KLF1: variants seen among roughly 807,000 people sequenced by gnomAD.
The protein encoded by KLF1 is KLF transcription factor 1.
KLF1 carries 29 observed loss-of-function variants against 28.0 expected under a neutral mutation model. The ratio of observed to expected loss-of-function variants is 1.04; its 90% confidence interval spans 0.77 to 1.41. KLF1 has a LOEUF of 1.41. Ranked by LOEUF, KLF1 falls within the 40% of genes most tolerant of loss-of-function variation. The probability of loss-of-function intolerance (pLI) is 0.00; values close to 1 mark genes in which losing one functional copy is unlikely to be tolerated. For synonymous variants in KLF1, 262 were observed against 242.6 expected (o/e 1.08, Z -0.74); for missense variants, 508 against 515.1 (o/e 0.99, Z 0.13).
chr19:12,884,852 G>A lies in KLF1; in HGVS notation c.*33C>T. 6.2e-7 allele frequency: 1 copy of A among 1,610,840 alleles called. No homozygotes were observed. The highest frequency in any genetic ancestry group is 8.5e-7 in the Non-Finnish European group (1 of 1,178,508). On this transcript the variant is annotated 3_prime_UTR_variant, in exon 3 of 3. Coordinates refer to ENST00000264834, the MANE Select transcript of KLF1 (RefSeq NM_006563.5). ...AAACAGGCTTCTTGTCCCATCCCCA[G>A]TCACTAGGAGAGTCCAAGTGCCAGG...
rs762517439 is a variant in KLF1, at chr19:12,885,031, C to A, written c.943G>T (p.Gly315Cys). 6.2e-7 allele frequency: 1 copy of A among 1,608,324 alleles called. No individual in the cohort carries two copies. The highest frequency in any genetic ancestry group is 1.3e-5 in the African/African-American group (1 of 74,936). The change falls in exon 3 of 3, where the codon GGC (glycine) becomes TGC (cysteine). Residue 315 changes from glycine to cysteine, a missense_variant. Transcript: ENST00000264834. The surrounding 1 kb of genome is among the most constrained non-coding windows in gnomAD (Gnocchi z 5.6). ...GEKPYACTWE[G>C]CGWRFARSDE... ...GAGCGCGCGAATCTCCAGCCGCAGC[C>A]TTCCCACGTGCAGGCGTATGGCTTC... is the stretch of plus-strand genomic sequence containing the variant.
In KLF1 at chr19:12,885,113, G is replaced by C. The variant is rs1438054491; in HGVS notation, c.914-53C>G. 1 of 1,586,238 alleles carries C rather than the reference G, an allele frequency of 6.3e-7. No homozygotes were observed. Among genetic ancestry groups the C allele is most frequent in the African/African-American group, 1.3e-5 (1 of 74,684 alleles). Reference sequence around the variant, plus strand: ...ACTGTCTGCCCAGTCATGTCCCCGGGTCCCCTGCATCTGGCCACACCCCTT... The same window carrying C: ...ACTGTCTGCCCAGTCATGTCCCCGGCTCCCCTGCATCTGGCCACACCCCTT... On this transcript the variant is annotated intron_variant, in intron 2 of 2. Coordinates refer to ENST00000264834, the MANE Select transcript of KLF1 (RefSeq NM_006563.5). The surrounding 1 kb of genome is among the most constrained non-coding windows in gnomAD (Gnocchi z 5.6).
intron 1 of KLF1, 71 bp downstream of exon 1, chr19:12,886,982 TG>T: frequency 6.8e-7 from 1 of 1,464,080 alleles, no homozygotes; most frequent in Non-Finnish European, 9.6e-7. Flanking sequence ...GATGCAGGTC[TG>T]GACCCCAAGA....
At position 12,887,081 on chromosome 19, in the gene KLF1, G is replaced by A. The variant is rs779672835; in HGVS notation, c.60C>T (p.Phe20=). The change falls in exon 1 of 3, where the codon TTC becomes TTT. Residue 20 remains phenylalanine (F), a synonymous_variant. Coordinates refer to ENST00000264834, the MANE Select transcript of KLF1 (RefSeq NM_006563.5). The surrounding 1 kb of genome is among the most constrained non-coding windows in gnomAD (Gnocchi z 4.7). ...SISTLTALGP[F]PDTQDDFLKW... ...TGAGGAAGTCATCCTGTGTGTCCGG[G>A]AAGGGGCCCAGGGCGGTCAGTGTGC... is the stretch of plus-strand genomic sequence containing the variant. 6 of 1,614,194 alleles carry A rather than the reference G, an allele frequency of 3.7e-6. No homozygotes were observed. The East Asian group carries it at 6.7e-5, about 18-fold the overall frequency.
intron 1 of KLF1, among the ~76,000 whole-genome samples, chr19:12,886,609 C>CTT (rs969979307): frequency 1.8e-4 from 25 of 137,838 alleles, no homozygotes; most frequent in Admixed American, 2.2e-4. Context: ...GATCTCGTTC[C>CTT]TTTTTTTTTT....
Position 12,885,513 on chromosome 19 carries a change from C to T in KLF1, c.717G>A (p.Leu239=). ...GTCCAGTGCCCACCGTCCCGGGTCC[C>T]AAACAACTCAGGAAGGAGGGGGACG... ...PATSPSFLSC[L]GPGTVGTGLG... The change falls in exon 2 of 3, where the codon TTG becomes TTA. Residue 239 remains leucine, a synonymous_variant. Coordinates refer to ENST00000264834, the MANE Select transcript of KLF1 (RefSeq NM_006563.5). This position sits in a 1 kb window ranked among gnomAD's most constrained non-coding sequence, Gnocchi z 5.6. 3 of 1,593,790 alleles carry T rather than the reference C, an allele frequency of 1.9e-6. No individual in the cohort carries two copies. The highest frequency in any genetic ancestry group is 2.6e-6 in the Non-Finnish European group (3 of 1,171,054).
chr19:12,885,126 G>T lies in KLF1; in HGVS notation c.914-66C>A. The T allele has an allele frequency of 6.4e-7, 1 of 1,558,866 alleles. No individual in the cohort carries two copies. Among genetic ancestry groups the T allele is most frequent in the Non-Finnish European group, 8.7e-7 (1 of 1,146,904 alleles). ...TCATGTCCCCGGGTCCCCTGCATCT[G>T]GCCACACCCCTTTACTCAGCCTGGG... On this transcript the variant is annotated intron_variant, in intron 2 of 2. Coordinates refer to ENST00000264834, the MANE Select transcript of KLF1 (RefSeq NM_006563.5). The surrounding 1 kb of genome is among the most constrained non-coding windows in gnomAD (Gnocchi z 5.6).
chr19:12,884,990 G>A lies in KLF1; in HGVS notation c.984C>T (p.Arg328=), dbSNP rs1371569666. The change falls in exon 3 of 3, where the codon CGC becomes CGT. Residue 328 remains arginine (R), a synonymous_variant. Coordinates refer to ENST00000264834, the MANE Select transcript of KLF1 (RefSeq NM_006563.5). ...GCTGCCCCGTGTGTTTCCGGTAGTG[G>A]CGGGTCAGCTCGTCCGAGCGCGCGA... The part of the protein sequence containing the change: ...WRFARSDELT[R]HYRKHTGQRP... The A allele has an allele frequency of 1.9e-6, 3 of 1,611,410 alleles. No homozygotes were observed. Among genetic ancestry groups the A allele is most frequent in the Non-Finnish European group, 8.5e-7 (1 of 1,179,890 alleles).
Position 12,885,199 on chromosome 19 carries a change from G to A in KLF1, c.913+118C>T, listed in dbSNP as rs1970422695. 24 of 1,339,006 alleles carry A rather than the reference G, an allele frequency of 1.8e-5. No individual in the cohort carries two copies. In the South Asian group the frequency reaches 2.7e-4, roughly 15 times the overall value. 82.9% of individuals were successfully genotyped at this position (1,339,006 alleles called of 1,614,324 possible). ...GAGGCCCCTAGGGCACAAAATTTAA[G>A]GAGGCACTCACTCTCAGAGGCCAGC... On this transcript the variant is annotated intron_variant, in intron 2 of 2. Coordinates refer to ENST00000264834, the MANE Select transcript of KLF1 (RefSeq NM_006563.5). The surrounding 1 kb of genome is among the most constrained non-coding windows in gnomAD (Gnocchi z 5.6).
chr19:12,885,244 C>T lies in KLF1; in HGVS notation c.913+73G>A. ...GCCAGCCAAGTCCAAGTCCCGCCCT[C>T]TGCAACCCTTCTTCCCCTGTAACTA... On this transcript the variant is annotated intron_variant, in intron 2 of 2. Transcript: ENST00000264834. This position sits in a 1 kb window ranked among gnomAD's most constrained non-coding sequence, Gnocchi z 5.6. 6.9e-7 allele frequency: 1 copy of T among 1,440,540 alleles called. No homozygotes were observed. The highest frequency in any genetic ancestry group is 9.5e-7 in the Non-Finnish European group (1 of 1,057,592). The allele number at this position is 1,440,540 out of a possible 1,614,324, so 89.2% of individuals were successfully genotyped here.
chr19:12,885,975 C>T lies in KLF1; in HGVS notation c.255G>A (p.Pro85=), dbSNP rs886054238. Residue 85 remains proline, a synonymous_variant, in exon 2 of 3, where the codon CCG becomes CCA. Transcript: ENST00000264834. The surrounding 1 kb of genome is among the most constrained non-coding windows in gnomAD (Gnocchi z 5.6). ...LDLLLTNFSG[P]EPGGAPQTCA... is the part of the protein sequence containing the mutation. The stretch of plus-strand genomic sequence containing the variant: ...AGGTCTGGGGCGCGCCACCGGGCTC[C>T]GGGCCCGAGAAGTTGGTGAGGAGGA... 4 of 1,583,678 alleles carry T rather than the reference C, an allele frequency of 2.5e-6. No individual in the cohort carries two copies. The highest frequency in any genetic ancestry group is 1.3e-5 in the African/African-American group (1 of 74,260).
Position 12,885,273 on chromosome 19 carries a change from C to CGGGCGCCGCGCCCTTTCTCATGTCCG in KLF1, c.913+18_913+43dup. The CGGGCGCCGCGCCCTTTCTCATGTCCG allele has an allele frequency of 6.7e-7, 1 of 1,502,742 alleles. No individual in the cohort carries two copies. The highest frequency in any genetic ancestry group is 1.4e-5 in the African/African-American group (1 of 72,224). The allele number at this position is 1,502,742 out of a possible 1,614,324, so 93.1% of individuals were successfully genotyped here. On this transcript the variant is annotated intron_variant, in intron 2 of 2. Transcript: ENST00000264834. This position sits in a 1 kb window ranked among gnomAD's most constrained non-coding sequence, Gnocchi z 5.6. ...AACCCTTCTTCCCCTGTAACTACAG[C>CGGGCGCCGCGCCCTTTCTCATGTCCG]GGGCGCCGCGCCCTTTCTCATGTCC...
chr19:12,884,838 T>G lies in KLF1; in HGVS notation c.*47A>C. On this transcript the variant is annotated 3_prime_UTR_variant, in exon 3 of 3. Coordinates refer to ENST00000264834, the MANE Select transcript of KLF1 (RefSeq NM_006563.5). ...GTGAAGAGACCACCAAACAGGCTTC[T>G]TGTCCCATCCCCAGTCACTAGGAGA... 4 of 1,605,154 alleles carry G rather than the reference T, an allele frequency of 2.5e-6. No individual in the cohort carries two copies. The highest frequency in any genetic ancestry group is 3.4e-6 in the Non-Finnish European group (4 of 1,174,500).
rs1022278046 is a variant in KLF1 at position 12,886,279 on chromosome 19, A to C, written c.88-137T>G. On this transcript the variant is annotated intron_variant, in intron 1 of 2. Coordinates refer to ENST00000264834, the MANE Select transcript of KLF1 (RefSeq NM_006563.5). Reference sequence around the variant, plus strand: ...CCTGTCTGTCTGTCCCACTTCCCCAACACTGCCCCTCTAACCGCCCCTCTC... The same window carrying C: ...CCTGTCTGTCTGTCCCACTTCCCCACCACTGCCCCTCTAACCGCCCCTCTC... 4.7e-6 allele frequency: 3 copies of C among 635,048 alleles called. No individual in the cohort carries two copies. The East Asian group carries it at 8.6e-5, about 18-fold the overall frequency. 39.3% of individuals were successfully genotyped at this position (635,048 alleles called of 1,614,324 possible). A position where few individuals can be genotyped will look rare whatever the true frequency, so the allele number is the denominator to read the frequency against.
chr19:12,885,127 G>T lies in KLF1; in HGVS notation c.914-67C>A. ...CATGTCCCCGGGTCCCCTGCATCTG[G>T]CCACACCCCTTTACTCAGCCTGGGC... On this transcript the variant is annotated intron_variant, in intron 2 of 2. Coordinates refer to ENST00000264834, the MANE Select transcript of KLF1 (RefSeq NM_006563.5). This position sits in a 1 kb window ranked among gnomAD's most constrained non-coding sequence, Gnocchi z 5.6. 6.4e-7 allele frequency: 1 copy of T among 1,556,580 alleles called. No individual in the cohort carries two copies. Among genetic ancestry groups the T allele is most frequent in the Non-Finnish European group, 8.7e-7 (1 of 1,145,240 alleles).
Position 12,885,459 on chromosome 19 carries a change from C to T in KLF1, c.771G>A (p.Val257=). Residue 257 remains valine, a synonymous_variant, in exon 2 of 3, where the codon GTG becomes GTA. Transcript: ENST00000264834. This position sits in a 1 kb window ranked among gnomAD's most constrained non-coding sequence, Gnocchi z 5.6. ...GLGGTAEDPG[V]IAETAPSKRG... is the part of the protein sequence containing the mutation. ...GCTTGGATGGCGCGGTCTCGGCTAT[C>T]ACACCTGGATCCTCTGCAGTCCCCC... 6.2e-7 allele frequency: 1 copy of T among 1,604,596 alleles called. No individual in the cohort carries two copies. Among genetic ancestry groups the T allele is most frequent in the Non-Finnish European group, 8.5e-7 (1 of 1,176,342 alleles).
Position 12,885,183 on chromosome 19 carries a change from A to C in KLF1, c.914-123T>G. The C allele has an allele frequency of 7.2e-7, 1 of 1,380,794 alleles. No homozygotes were observed. The highest frequency in any genetic ancestry group is 9.9e-7 in the Non-Finnish European group (1 of 1,008,162). The allele number at this position is 1,380,794 out of a possible 1,614,324, so 85.5% of individuals were successfully genotyped here. A position where few individuals can be genotyped will look rare whatever the true frequency, so the allele number is the denominator to read the frequency against. On this transcript the variant is annotated intron_variant, in intron 2 of 2. Coordinates refer to ENST00000264834, the MANE Select transcript of KLF1 (RefSeq NM_006563.5). This position sits in a 1 kb window ranked among gnomAD's most constrained non-coding sequence, Gnocchi z 5.6. ...CTAGGATGAACAAAGTGAGGCCCCT[A>C]GGGCACAAAATTTAAGGAGGCACTC...
Position 12,885,223 on chromosome 19 carries a change from G to T in KLF1, c.913+94C>A. On this transcript the variant is annotated intron_variant, in intron 2 of 2. Coordinates refer to ENST00000264834, the MANE Select transcript of KLF1 (RefSeq NM_006563.5). The surrounding 1 kb of genome is among the most constrained non-coding windows in gnomAD (Gnocchi z 5.6). ...AGGAGGCACTCACTCTCAGAGGCCA[G>T]CCAAGTCCAAGTCCCGCCCTCTGCA... 1 of 1,369,802 alleles carries T rather than the reference G, an allele frequency of 7.3e-7. No homozygotes were observed. The allele number at this position is 1,369,802 out of a possible 1,614,324, so 84.9% of individuals were successfully genotyped here. A position where few individuals can be genotyped will look rare whatever the true frequency, so the allele number is the denominator to read the frequency against.
rs900797180 is a variant in KLF1, at chr19:12,885,280, C to T, written c.913+37G>A. ...CTTCCCCTGTAACTACAGCGGGCGC[C>T]GCGCCCTTTCTCATGTCCGGGGCCC... On this transcript the variant is annotated intron_variant, in intron 2 of 2. Transcript: ENST00000264834. This position sits in a 1 kb window ranked among gnomAD's most constrained non-coding sequence, Gnocchi z 5.6. The T allele has an allele frequency of 1.3e-6, 2 of 1,528,348 alleles. No individual in the cohort carries two copies. The highest frequency in any genetic ancestry group is 1.4e-5 in the African/African-American group (1 of 72,670). 94.7% of individuals were successfully genotyped at this position (1,528,348 alleles called of 1,614,324 possible).
Sources: gnomAD v4.1 joint callset for allele counts (sites outside exome capture counted in the v4.1 genomes callset) on GRCh38, gnomAD v4.1.1 for gene constraint, Gnocchi (gnomAD v3.1) non-coding constraint, MANE v1.5 for transcripts, NCBI Gene and HGNC (gene_info 2026-07-23, HGNC 2026-07-21) for gene names.